Variants in AMZ1 observed in about 807,000 individuals in gnomAD.
AMZ1 encodes archaemetzincin-1.
In AMZ1, 39 loss-of-function variants were observed where a neutral mutation model predicts 29.9. That is an observed-to-expected ratio of 1.30 (90% CI 1.01 to 1.70). AMZ1 has a LOEUF of 1.70. Among genes scored for constraint, AMZ1 ranks in the 40% most tolerant of loss-of-function variants. The probability of loss-of-function intolerance (pLI) is 0.00; values close to 1 mark genes in which losing one functional copy is unlikely to be tolerated. For synonymous variants in AMZ1, 458 were observed against 304.0 expected (o/e 1.51, Z -5.27); for missense variants, 1,041 against 680.6 (o/e 1.53, Z -5.89).
chr7:2,702,278 CCTG>C (rs1788096729), intron 2 of AMZ1: 1 of 164,510 alleles, frequency 6.1e-6, no homozygotes, highest in African/African-American at 2.4e-5. Context: ...GGCTCTGTGT[CCTG>C]CTGTCTGCCC....
At chr7:2,734,913 C>T (rs1475350072) in intron 4 of AMZ1, among the ~76,000 whole-genome samples, 6 of 152,154 alleles carry the variant, frequency 3.9e-5, no homozygotes, top group African/African-American at 1.2e-4. Context: ...GGTGAACGTA[C>T]CCCAAGGGCC....
upstream of AMZ1, among the ~76,000 whole-genome samples, chr7:2,686,432 G>T (rs140034207): frequency 4.1e-4 from 63 of 152,306 alleles, 1 homozygote; most frequent in Middle Eastern, 0.027. Flanking sequence ...TACTCAGGAG[G>T]CTGAGGGAGG....
chr7:2,703,423 G>T (rs932776875), intron 3 of AMZ1, among the ~76,000 whole-genome samples: 1 of 152,162 alleles, frequency 6.6e-6, no homozygotes, highest in Non-Finnish European at 1.5e-5. Flanking sequence ...TGACAGGCGT[G>T]AGTCACCGTC....
intron 4 of AMZ1, among the ~76,000 whole-genome samples, chr7:2,742,438 GGTCT>G (rs1790555419): frequency 6.6e-6 from 1 of 152,098 alleles, no homozygotes; most frequent in African/African-American, 2.4e-5. Flanking sequence ...CATGCTTGCT[GGTCT>G]GTGAGTGACA....
rs553663014 is a variant in AMZ1, at chr7:2,699,121, C to T, written c.-218-1113C>T. On this transcript the variant is annotated intron_variant, in intron 1 of 6. Coordinates refer to ENST00000683327, the MANE Select transcript of AMZ1 (RefSeq NM_001384743.1). ...TTTCTAGCCTCTCCCCACAACCACC[C>T]CTTTGCTTTTATCTGTTCTGCGAGG... 2.0e-5 allele frequency among the ~76,000 whole-genome samples: 3 copies of T among 152,234 alleles called. No individual in the cohort carries two copies. The East Asian group carries it at 5.8e-4, about 29-fold the overall frequency.
In AMZ1 at chr7:2,719,587, C is replaced by A. The variant is rs982791624; in HGVS notation, c.*6709C>A. On this transcript the variant is annotated 3_prime_UTR_variant, in exon 7 of 7. Coordinates refer to ENST00000683327, the MANE Select transcript of AMZ1 (RefSeq NM_001384743.1). ...ATTTTATACTGCAATGACTGATGGA[C>A]GACTTTGATATACAAAATAAATTGT... is the stretch of plus-strand genomic sequence containing the variant. Among the ~76,000 whole-genome samples, 1 of 152,150 alleles carries A rather than the reference C, an allele frequency of 6.6e-6. No individual in the cohort carries two copies. Among genetic ancestry groups the A allele is most frequent in the Non-Finnish European group, 1.5e-5 (1 of 68,038 alleles).
chr7:2,760,060 G>A (rs2115392910), upstream of AMZ1, among the ~76,000 whole-genome samples: 1 of 152,380 alleles, frequency 6.6e-6, no homozygotes, highest in East Asian at 1.9e-4. Context: ...AGGATGTCAA[G>A]GTTGAGGAAC....
At chr7:2,680,523 T>C (rs1299185771) in intron 1 of AMZ1, among the ~76,000 whole-genome samples, 1 of 152,148 alleles carries the variant, frequency 6.6e-6, no homozygotes. Context: ...CCTTGCTACC[T>C]GAGATCCCCT....
At chr7:2,762,964 C>T, upstream of AMZ1, 1 of 1,359,390 alleles carries the variant, frequency 7.4e-7, no homozygotes, top group Non-Finnish European at 9.5e-7. Context: ...CCAGGGTCTC[C>T]TGCTCCTCAG....
rs560608237 is a variant in AMZ1 at position 2,699,538 on chromosome 7, C to A, written c.-218-696C>A. On this transcript the variant is annotated intron_variant, in intron 1 of 6. Transcript: ENST00000683327. ...TTGGGGCTGCGTACCCCCGCCCCCC[C>A]CCAAACATATGCTTGCTGGGCGCAC... 5.9e-5 allele frequency among the ~76,000 whole-genome samples: 9 copies of A among 152,160 alleles called. No homozygotes were observed. The East Asian group carries it at 7.7e-4, about 13-fold the overall frequency.
rs1363226130 is a variant in AMZ1 at position 2,717,317 on chromosome 7, C to T, written c.*4439C>T. On this transcript the variant is annotated 3_prime_UTR_variant, in exon 7 of 7. Transcript: ENST00000683327. ...GGGCTTCGCGACGGGGCTCATAGAC[C>T]TGAACTGGGTCTGCCTGCCTGTGTG... Among the ~76,000 whole-genome samples the T allele has an allele frequency of 6.6e-6, 1 of 152,264 alleles. No homozygotes were observed. Among genetic ancestry groups the T allele is most frequent in the Non-Finnish European group, 1.5e-5 (1 of 68,050 alleles).
chr7:2,697,531 C>G (rs962279478), intron 1 of AMZ1, among the ~76,000 whole-genome samples: 2 of 151,930 alleles, frequency 1.3e-5, no homozygotes, highest in African/African-American at 2.4e-5. Flanking sequence ...TCAGGTGATC[C>G]TTCCACGTCA....
At chr7:2,756,978 G>C (rs1442757038) in intron 4 of AMZ1, among the ~76,000 whole-genome samples, 1 of 152,136 alleles carries the variant, frequency 6.6e-6, no homozygotes, top group African/African-American at 2.4e-5. Context: ...GGAGGCTGAA[G>C]TGGAAGGTTC....
rs1789154047 is a variant in AMZ1, at chr7:2,716,889, T to C, written c.*4011T>C. On this transcript the variant is annotated 3_prime_UTR_variant, in exon 7 of 7. Transcript: ENST00000683327. ...CTGTCGAGATGGGACTGGGAAGGGC[T>C]GGAGCCTCAGAAACGGCAGAGCGGA... 6.6e-6 allele frequency among the ~76,000 whole-genome samples: 1 copy of C among 152,240 alleles called. No homozygotes were observed. The highest frequency in any genetic ancestry group is 1.9e-4 in the East Asian group (1 of 5,196).
At position 2,719,328 on chromosome 7, in the gene AMZ1, G is replaced by C. The variant is rs141057731; in HGVS notation, c.*6450G>C. ...ATGGCATAACCTGATGTCTGTCACG[G>C]ACCCCCAAGCAGGAGCAATGCCTAA... On this transcript the variant is annotated 3_prime_UTR_variant, in exon 7 of 7. Transcript: ENST00000683327. Among the ~76,000 whole-genome samples the C allele has an allele frequency of 1.2e-3, 181 of 152,318 alleles. 1 individual carries two copies. The Middle Eastern group carries it at 0.017, about 14-fold the overall frequency.
downstream of AMZ1, among the ~76,000 whole-genome samples, chr7:2,720,242 G>A (rs1472801386): frequency 3.9e-5 from 6 of 152,210 alleles, no homozygotes; most frequent in Non-Finnish European, 7.3e-5. Context: ...CAAACACTTA[G>A]TCACTGCTGG....
At chr7:2,732,446 C>T (rs889764436) in intron 4 of AMZ1, among the ~76,000 whole-genome samples, 8 of 151,978 alleles carry the variant, frequency 5.3e-5, no homozygotes, top group East Asian at 3.9e-4. Flanking sequence ...CTTGGGAGGC[C>T]GAGACAGGAG....
intron 4 of AMZ1, among the ~76,000 whole-genome samples, chr7:2,732,126 G>A (rs961006837): frequency 2.0e-5 from 3 of 152,128 alleles, no homozygotes; most frequent in Non-Finnish European, 1.5e-5. Context: ...ACCTTACTGT[G>A]AATTAATTTA....
Position 2,712,690 on chromosome 7 carries a change from C to G in AMZ1, c.1309C>G (p.Leu437Val). 1 of 1,612,308 alleles carries G rather than the reference C, an allele frequency of 6.2e-7. No individual in the cohort carries two copies. The highest frequency in any genetic ancestry group is 8.5e-7 in the Non-Finnish European group (1 of 1,179,588). The part of the protein sequence containing the change: ...LVQVDRAVDA[L>V]DRWEMFTGQL... ...GCAGGTGGACAGAGCCGTGGACGCC[C>G]TCGACCGCTGGGAGATGTTCACGGG... is the stretch of plus-strand genomic sequence containing the variant. The change falls in exon 7 of 7, where the codon CTC (leucine) becomes GTC (valine). Residue 437 changes from leucine (L) to valine (V), a missense_variant. Leu to Val is a conservative substitution (Grantham distance 32). Transcript: ENST00000683327.
Sources: gnomAD v4.1 joint callset for allele counts (sites outside exome capture counted in the v4.1 genomes callset) on GRCh38, gnomAD v4.1.1 for gene constraint, MANE v1.5 for transcripts, NCBI Gene and HGNC (gene_info 2026-07-23, HGNC 2026-07-21) for gene names.